The following SPIRE1 variants were observed in gnomAD, a reference collection of about 807,000 sequenced individuals.
The protein encoded by SPIRE1 is protein spire homolog 1.
In SPIRE1, 40 loss-of-function variants were observed where a neutral mutation model predicts 94.1. That is an observed-to-expected ratio of 0.43 (90% CI 0.33 to 0.55). The LOEUF (loss-of-function observed/expected upper bound fraction) is 0.55, where lower values mean the gene tolerates loss of function less well. Among genes scored for constraint, SPIRE1 ranks in the 20% least tolerant of loss-of-function variants. The probability of loss-of-function intolerance (pLI) is 0.06; values close to 1 mark genes in which losing one functional copy is unlikely to be tolerated. For missense variants in SPIRE1, 838 were observed against 975.2 expected, an observed-to-expected ratio of 0.86 and a Z score of 1.87; for synonymous variants, 376 against 371.7, an observed-to-expected ratio of 1.01 and a Z score of -0.13.
chr18:12,460,211 T>C (rs1178256429), intron 12 of SPIRE1, among the ~76,000 whole-genome samples: 1 of 152,132 alleles, frequency 6.6e-6, no homozygotes, highest in Non-Finnish European at 1.5e-5. Flanking sequence ...TGGGGCTTGT[T>C]GTGATGAAGG....
chr18:12,649,408 C>T lies in SPIRE1; in HGVS notation c.337+8122G>A, dbSNP rs569337513. ...TGAGCAAGAGAGAAAGACCCTGTCT[C>T]TTAAAAAAAAATTTTTTTGACTAAA... On this transcript the variant is annotated intron_variant, in intron 1 of 16. Transcript: ENST00000409402. Among the ~76,000 whole-genome samples, 6 of 151,940 alleles carry T rather than the reference C, an allele frequency of 3.9e-5. No individual in the cohort carries two copies. The South Asian group carries it at 1.2e-3, about 32-fold the overall frequency.
At chr18:12,501,992 C>T (rs1387932086) in intron 6 of SPIRE1, among the ~76,000 whole-genome samples, 1 of 152,138 alleles carries the variant, frequency 6.6e-6, no homozygotes, top group African/African-American at 2.4e-5. Context: ...TTATTTACCA[C>T]AGGAGAAACG....
chr18:12,465,847 AG>A (rs2032073063), intron 10 of SPIRE1, among the ~76,000 whole-genome samples: 1 of 152,154 alleles, frequency 6.6e-6, no homozygotes, highest in African/African-American at 2.4e-5. Context: ...GCACTTTGGG[AG>A]GCCAAGACGG....
At chr18:12,452,433 A>C in intron 15 of SPIRE1, 42 bp from the exon 16 acceptor site, 1 of 1,614,196 alleles carries the variant, frequency 6.2e-7, no homozygotes, top group Non-Finnish European at 8.5e-7. Context: ...GTACCGTTAA[A>C]GAGGCAGTCA....
intron 10 of SPIRE1, among the ~76,000 whole-genome samples, chr18:12,478,436 ATGTG>A (rs1172069241): frequency 5.2e-5 from 4 of 76,560 alleles, no homozygotes; most frequent in Admixed American, 1.2e-4. Flanking sequence ...GAGGGTGTGT[ATGTG>A]TGTGTGTAGC....
intron 2 of SPIRE1, among the ~76,000 whole-genome samples, chr18:12,557,456 C>T (rs922753111): frequency 3.9e-5 from 6 of 152,234 alleles, no homozygotes; most frequent in Non-Finnish European, 7.3e-5. Context: ...CCTGCCAAGC[C>T]AGTGCCCACC....
At chr18:12,507,351 C>T (rs1275594253) in intron 5 of SPIRE1, among the ~76,000 whole-genome samples, 3 of 152,142 alleles carry the variant, frequency 2.0e-5, no homozygotes, top group Non-Finnish European at 4.4e-5. Context: ...GAAAGTGGTA[C>T]TTTATCACTT....
upstream of SPIRE1, chr18:12,658,411 T>A: frequency 2.5e-6 from 1 of 396,772 alleles, no homozygotes; most frequent in South Asian, 1.8e-5. Flanking sequence ...TTGTGGGGCG[T>A]GGGGGACACG....
rs1338753365 is a variant in SPIRE1, at chr18:12,446,617, T to G, written c.*3021A>C. Reference sequence around the variant, plus strand: ...CCCTGAATGCCAGCAATACCTCGACTTTTACACACGCAGGAAGCCTAGTAA... The same window carrying G: ...CCCTGAATGCCAGCAATACCTCGACGTTTACACACGCAGGAAGCCTAGTAA... On this transcript the variant is annotated 3_prime_UTR_variant, in exon 17 of 17. Coordinates refer to ENST00000409402, the MANE Select transcript of SPIRE1 (RefSeq NM_001128626.2). 1 of 152,196 alleles carries G rather than the reference T, an allele frequency of 6.6e-6. No individual in the cohort carries two copies. Among genetic ancestry groups the G allele is most frequent in the Non-Finnish European group, 1.5e-5 (1 of 68,038 alleles). 9.4% of individuals were successfully genotyped at this position (152,196 alleles called of 1,614,324 possible).
intron 2 of SPIRE1, among the ~76,000 whole-genome samples, chr18:12,582,969 CA>C (rs1276051829): frequency 6.6e-6 from 1 of 152,140 alleles, no homozygotes; most frequent in Admixed American, 6.5e-5. Flanking sequence ...GGGACTGTGG[CA>C]AACTGAAGAG....
chr18:12,463,340 C>T lies in SPIRE1; in HGVS notation c.1638+11G>A, dbSNP rs751000625. 6.2e-7 allele frequency: 1 copy of T among 1,606,726 alleles called. No individual in the cohort carries two copies. The highest frequency in any genetic ancestry group is 8.5e-7 in the Non-Finnish European group (1 of 1,176,008). On this transcript the variant is annotated intron_variant, in intron 12 of 16. Transcript: ENST00000409402. ...GTCCCTAAGTTACTACAAAGTCTTT[C>T]CTGTACTTACAAGAGAGCGGGAACT...
intron 2 of SPIRE1, among the ~76,000 whole-genome samples, chr18:12,570,619 T>C (rs1213662449): frequency 6.6e-6 from 1 of 152,232 alleles, no homozygotes; most frequent in Non-Finnish European, 1.5e-5. Context: ...TTAATTATTC[T>C]CATTTTAAAC....
chr18:12,619,798 A>T (rs962559478), intron 2 of SPIRE1, among the ~76,000 whole-genome samples: 1 of 148,682 alleles, frequency 6.7e-6, no homozygotes, highest in Non-Finnish European at 1.5e-5. Context: ...GTGAGCCAAG[A>T]TCGCGGCACT....
At chr18:12,527,938 T>G (rs1394422349) in intron 4 of SPIRE1, among the ~76,000 whole-genome samples, 1 of 151,386 alleles carries the variant, frequency 6.6e-6, no homozygotes, top group Non-Finnish European at 1.5e-5. Context: ...TGGTGGCGGG[T>G]GCCTGTAGTC....
intron 2 of SPIRE1, among the ~76,000 whole-genome samples, chr18:12,634,258 TAAAAAAAAAA>T (rs71174115): frequency 4.3e-5 from 6 of 140,936 alleles, no homozygotes; most frequent in South Asian, 2.2e-4. Context: ...AAAATAAAAA[TAAAAAAAAAA>T]AAAAATAATA....
rs1014255236 is a variant in SPIRE1 at position 12,568,888 on chromosome 18, C to T, written c.373-21984G>A. Among the ~76,000 whole-genome samples, 3 of 92,422 alleles carry T rather than the reference C, an allele frequency of 3.2e-5. No individual in the cohort carries two copies. The South Asian group carries it at 8.9e-4, about 27-fold the overall frequency. 60.6% of individuals were successfully genotyped at this position (92,422 alleles called of 152,430 possible). ...ACAGATCACTGTAGTGGTGATCCAG[C>T]GTGATCCAGCCTGAACAGCTCTGAA... On this transcript the variant is annotated intron_variant, in intron 2 of 16. Transcript: ENST00000409402.
chr18:12,475,304 T>C (rs1347847495), intron 10 of SPIRE1, among the ~76,000 whole-genome samples: 2 of 152,222 alleles, frequency 1.3e-5, no homozygotes, highest in Non-Finnish European at 2.9e-5. Context: ...CTCTGCCGTC[T>C]CTGGACTTCT....
intron 2 of SPIRE1, among the ~76,000 whole-genome samples, chr18:12,601,415 T>C (rs1200925497): frequency 6.6e-6 from 1 of 151,980 alleles, no homozygotes; most frequent in Non-Finnish European, 1.5e-5. Context: ...AAAGCAAGAC[T>C]CCATTTCAAA....
intron 12 of SPIRE1, 144 bp from the exon 13 acceptor site, chr18:12,454,627 C>T (rs1598883618): frequency 3.0e-6 from 2 of 676,176 alleles, no homozygotes; most frequent in East Asian, 5.1e-5. Context: ...AGCTGGCTCC[C>T]TCTGGGGACC....
Sources: allele counts gnomAD v4.1 joint callset (sites outside exome capture counted in the v4.1 genomes callset), GRCh38; gene constraint gnomAD v4.1.1; transcripts MANE v1.5; gene names NCBI Gene and HGNC (gene_info 2026-07-23, HGNC 2026-07-21).